FCHSD2: variants seen among roughly 807,000 people sequenced by gnomAD.
The protein encoded by FCHSD2 is F-BAR and double SH3 domains protein 2.
FCHSD2 carries 38 observed loss-of-function variants against 108.1 expected under a neutral mutation model. The observed-to-expected ratio is 0.35, with a 90% CI of 0.27 to 0.46. FCHSD2 has a LOEUF of 0.46. Among genes scored for constraint, FCHSD2 ranks in the 20% least tolerant of loss-of-function variants. FCHSD2 has a pLI of 1.00. For missense variants in FCHSD2, 751 were observed against 897.8 expected (o/e 0.84, Z 2.09); for synonymous variants, 279 against 314.7 (o/e 0.89, Z 1.20).
At position 72,838,862 on chromosome 11, in the gene FCHSD2, G is replaced by A; in HGVS notation, c.2152C>T (p.Pro718Ser). The A allele has an allele frequency of 6.2e-7, 1 of 1,606,786 alleles. No individual in the cohort carries two copies. Among genetic ancestry groups the A allele is most frequent in the Non-Finnish European group, 8.5e-7 (1 of 1,177,608 alleles). The change falls in exon 20 of 20, where the codon CCC becomes TCC. Residue 718 changes from proline to serine, a missense_variant. Coordinates refer to ENST00000409418, the MANE Select transcript of FCHSD2 (RefSeq NM_014824.3). The part of the protein sequence containing the change: ...YGKLRPVRAA[P>S]PPPTQNHRRP... ...CGGTGATTCTGTGTAGGTGGAGGGG[G>A]AGCTGCCCGGACCTGAGCAGGAAAC...
At chr11:72,953,336 T>C (rs2135360443) in intron 8 of FCHSD2, among the ~76,000 whole-genome samples, 1 of 152,322 alleles carries the variant, frequency 6.6e-6, no homozygotes, top group South Asian at 2.1e-4. Context: ...TTTTTCACAA[T>C]TTCTTTTTCA....
At chr11:72,842,292 C>T (rs779764714) in intron 17 of FCHSD2, among the ~76,000 whole-genome samples, 4 of 152,208 alleles carry the variant, frequency 2.6e-5, no homozygotes, top group Non-Finnish European at 4.4e-5. Context: ...CGTAAATTAA[C>T]CACAGAGCAA....
intron 12 of FCHSD2, among the ~76,000 whole-genome samples, chr11:72,877,182 T>C (rs1273897075): frequency 6.6e-6 from 1 of 152,038 alleles, no homozygotes; most frequent in African/African-American, 2.4e-5. Context: ...AGATGGGGTT[T>C]TGCCACTTCA....
chr11:72,964,075 T>C (rs975944391), intron 8 of FCHSD2, among the ~76,000 whole-genome samples: 2 of 152,234 alleles, frequency 1.3e-5, no homozygotes, highest in African/African-American at 2.4e-5. Flanking sequence ...ATCAAATTTA[T>C]GGATGATACA....
chr11:72,910,291 C>T (rs918175940), intron 9 of FCHSD2, among the ~76,000 whole-genome samples: 2 of 152,122 alleles, frequency 1.3e-5, no homozygotes, highest in African/African-American at 2.4e-5. Context: ...CGCCTTTGTC[C>T]GGCCGCCCCG....
chr11:72,887,435 C>T, intron 12 of FCHSD2, 35 bp downstream of exon 12: 1 of 1,381,730 alleles, frequency 7.2e-7, no homozygotes, highest in Non-Finnish European at 1.0e-6. Context: ...TGTCATTAGA[C>T]CTGGGCAAAA....
chr11:72,939,587 C>T (rs568439706), intron 8 of FCHSD2, among the ~76,000 whole-genome samples: 11 of 144,392 alleles, frequency 7.6e-5, no homozygotes, highest in East Asian at 6.0e-4. Context: ...TCTATGAAGA[C>T]GGTTGATGGC....
chr11:72,939,609 C>CT (rs1194333407), intron 8 of FCHSD2, among the ~76,000 whole-genome samples: 739 of 65,478 alleles, frequency 0.011, 45 homozygotes, highest in African/African-American at 0.027. Context: ...CTTTCTTTTC[C>CT]TTTTTTTTTT....
At chr11:72,949,921 A>G (rs1044870852) in intron 8 of FCHSD2, among the ~76,000 whole-genome samples, 3 of 152,198 alleles carry the variant, frequency 2.0e-5, no homozygotes, top group African/African-American at 7.2e-5. Flanking sequence ...GTCATATGAC[A>G]ATTCTGTTGG....
At chr11:73,101,431 ATTGTTG>A (rs528868877) in intron 2 of FCHSD2, among the ~76,000 whole-genome samples, 1 of 151,938 alleles carries the variant, frequency 6.6e-6, no homozygotes, top group Admixed American at 6.6e-5. Flanking sequence ...TCTTGTTGTT[ATTGTTG>A]TTGTTGTTGT....
At chr11:72,867,804 A>G (rs1854762488) in intron 13 of FCHSD2, 61 bp downstream of exon 13, 1 of 1,456,184 alleles carries the variant, frequency 6.9e-7, no homozygotes, top group Admixed American at 2.2e-5. Flanking sequence ...AAGTTTGACT[A>G]CAGAGTCAAA....
intron 3 of FCHSD2, among the ~76,000 whole-genome samples, chr11:73,082,055 C>A (rs933077518): frequency 1.1e-4 from 16 of 151,030 alleles, no homozygotes; most frequent in African/African-American, 3.9e-4. Context: ...ATACAAAAAT[C>A]GGCTGGGCGC....
chr11:73,120,831 C>CAAA (rs753347324), intron 2 of FCHSD2, among the ~76,000 whole-genome samples: 1 of 123,884 alleles, frequency 8.1e-6, no homozygotes, highest in Non-Finnish European at 1.8e-5. Context: ...GAAGATATAC[C>CAAA]AAAAAAAAAA....
At chr11:73,037,718 C>A (rs1347837860) in intron 3 of FCHSD2, among the ~76,000 whole-genome samples, 1 of 152,106 alleles carries the variant, frequency 6.6e-6, no homozygotes, top group Non-Finnish European at 1.5e-5. Context: ...ATATTTGTAA[C>A]TTTTATGCAT....
At chr11:72,876,311 G>A (rs1050728623) in intron 12 of FCHSD2, among the ~76,000 whole-genome samples, 1 of 152,140 alleles carries the variant, frequency 6.6e-6, no homozygotes, top group African/African-American at 2.4e-5. Flanking sequence ...GAGACAGAGT[G>A]AGATGGTCTC....
chr11:72,966,200 C>A (rs1364168228), intron 8 of FCHSD2, among the ~76,000 whole-genome samples: 1 of 2,452 alleles, frequency 4.1e-4, no homozygotes, highest in Non-Finnish European at 1.0e-3. Flanking sequence ...CACTCTGTCG[C>A]CCAGGAAGGA....
At chr11:73,071,135 C>A (rs977638986) in intron 3 of FCHSD2, among the ~76,000 whole-genome samples, 1 of 152,172 alleles carries the variant, frequency 6.6e-6, no homozygotes, top group African/African-American at 2.4e-5. Context: ...TTGGAAGACA[C>A]AGTCTCTTCC....
At chr11:72,963,412 A>C (rs536622414) in intron 8 of FCHSD2, among the ~76,000 whole-genome samples, 2 of 152,328 alleles carry the variant, frequency 1.3e-5, no homozygotes, top group Non-Finnish European at 2.9e-5. Flanking sequence ...TGAGGCATAC[A>C]GAAGGGAAAT....
chr11:73,049,016 T>C (rs1419761867), intron 3 of FCHSD2, among the ~76,000 whole-genome samples: 1 of 152,162 alleles, frequency 6.6e-6, no homozygotes, highest in African/African-American at 2.4e-5. Context: ...CTTCTCAACA[T>C]ACTGACACAG....
Sources: gnomAD v4.1 joint callset for allele counts (sites outside exome capture counted in the v4.1 genomes callset) on GRCh38, gnomAD v4.1.1 for gene constraint, MANE v1.5 for transcripts, NCBI Gene and HGNC (gene_info 2026-07-23, HGNC 2026-07-21) for gene names.